ABCA3: variants seen among roughly 807,000 people sequenced by gnomAD.
ABCA3 encodes the protein phospholipid-transporting ATPase ABCA3.
ABCA3 carries 88 observed loss-of-function variants against 172.8 expected under a neutral mutation model. The observed-to-expected ratio is 0.51, with a 90% CI of 0.43 to 0.61. The LOEUF (loss-of-function observed/expected upper bound fraction) is 0.61, where lower values mean the gene tolerates loss of function less well. Ranked by LOEUF, ABCA3 falls within the 20% of genes least tolerant of loss-of-function variation. The pLI is 0.00. For missense variants in ABCA3, 2,164 were observed against 2,301.0 expected (o/e 0.94, Z 1.22); for synonymous variants, 1,066 against 983.8 (o/e 1.08, Z -1.56).
intron 11 of ABCA3, among the ~76,000 whole-genome samples, chr16:2,304,814 T>C (rs572514997): frequency 9.9e-5 from 15 of 152,074 alleles, no homozygotes; most frequent in African/African-American, 3.6e-4. Context: ...TAGCTGGGAC[T>C]ACAGGCGCCC....
intron 7 of ABCA3, among the ~76,000 whole-genome samples, chr16:2,320,984 G>GC (rs746216968): frequency 2.4e-5 from 2 of 82,006 alleles, no homozygotes; most frequent in Admixed American, 2.0e-4. Flanking sequence ...TCTGCTATGT[G>GC]CTTTTTTTTT....
At position 2,285,074 on chromosome 16, in the gene ABCA3, G is replaced by C; in HGVS notation, c.3484-76C>G. 3 of 1,473,416 alleles carry C rather than the reference G, an allele frequency of 2.0e-6. No individual in the cohort carries two copies. Among genetic ancestry groups the C allele is most frequent in the East Asian group, 2.4e-5 (1 of 41,272 alleles). The allele number at this position is 1,473,416 out of a possible 1,614,324, so 91.3% of individuals were successfully genotyped here. On this transcript the variant is annotated intron_variant, in intron 23 of 32. Coordinates refer to ENST00000301732, the MANE Select transcript of ABCA3 (RefSeq NM_001089.3). This position sits in a 1 kb window ranked among gnomAD's most constrained non-coding sequence, Gnocchi z 4.7. Reference sequence around the variant, plus strand: ...CACGGGTAGGGAAGGGGTGAGAGGAGCATTTGGAGGTCCTCAGACCCCTCC... The same window carrying C: ...CACGGGTAGGGAAGGGGTGAGAGGACCATTTGGAGGTCCTCAGACCCCTCC...
intron 20 of ABCA3, chr16:2,289,019 G>C (rs2093667609): frequency 3.3e-5 from 6 of 183,854 alleles, no homozygotes; most frequent in Non-Finnish European, 5.7e-5. Context: ...CCGAGACAGA[G>C]AGCGTCAGGG....
intron 1 of ABCA3, among the ~76,000 whole-genome samples, chr16:2,331,959 T>C (rs2093743924): frequency 1.3e-5 from 2 of 152,238 alleles, no homozygotes; most frequent in Admixed American, 1.3e-4. Context: ...TATAAAAGGT[T>C]TGCTTACTGT....
intron 11 of ABCA3, among the ~76,000 whole-genome samples, chr16:2,307,766 C>T (rs755197366): frequency 1.2e-4 from 18 of 152,024 alleles, no homozygotes; most frequent in African/African-American, 2.9e-4. Flanking sequence ...CCACCACGCC[C>T]GGCTAATTTT....
intron 5 of ABCA3, 108 bp downstream of exon 5, chr16:2,325,902 G>A: frequency 1.3e-6 from 2 of 1,501,672 alleles, no homozygotes; most frequent in South Asian, 2.3e-5. Flanking sequence ...GTCTGCACAG[G>A]GTGAACTCCT....
At position 2,299,574 on chromosome 16, in the gene ABCA3, C is replaced by G. The variant is rs765130573; in HGVS notation, c.1612-42G>C. On this transcript the variant is annotated intron_variant, in intron 13 of 32. Coordinates refer to ENST00000301732, the MANE Select transcript of ABCA3 (RefSeq NM_001089.3). ...GGCTGCCCTGGGCTACCCACAGCCCCGAGGCCCACGGCCAAGGCCTCTCCT... is the reference window on the plus strand; with the variant it reads ...GGCTGCCCTGGGCTACCCACAGCCCGGAGGCCCACGGCCAAGGCCTCTCCT... The G allele has an allele frequency of 5.0e-6, 8 of 1,609,070 alleles. No homozygotes were observed. The South Asian group carries it at 8.8e-5, about 18-fold the overall frequency.
chr16:2,335,667 G>C (rs2093750643), intron 1 of ABCA3, among the ~76,000 whole-genome samples: 1 of 152,192 alleles, frequency 6.6e-6, no homozygotes, highest in African/African-American at 2.4e-5. Context: ...GGCACCCTGT[G>C]ATGTGGGGAG....
chr16:2,327,670 A>G (rs2093736556), intron 3 of ABCA3, among the ~76,000 whole-genome samples: 1 of 152,182 alleles, frequency 6.6e-6, no homozygotes, highest in South Asian at 2.1e-4. Context: ...TTGTTATTAC[A>G]GGTACTGGCA....
At chr16:2,315,865 T>C (rs12923951) in intron 10 of ABCA3, among the ~76,000 whole-genome samples, 11 of 125,226 alleles carry the variant, frequency 8.8e-5, no homozygotes, top group African/African-American at 3.1e-4. Context: ...TTTTTTTTTG[T>C]AGAGACAGGG....
chr16:2,305,570 C>T (rs2093696392), intron 11 of ABCA3, among the ~76,000 whole-genome samples: 1 of 152,156 alleles, frequency 6.6e-6, no homozygotes, highest in African/African-American at 2.4e-5. Context: ...GCTGAGATTA[C>T]AGGCGTGAGC....
chr16:2,313,158 G>C (rs150740973), intron 10 of ABCA3, among the ~76,000 whole-genome samples: 1 of 152,252 alleles, frequency 6.6e-6, no homozygotes, highest in Non-Finnish European at 1.5e-5. Flanking sequence ...TTGGTGTCTT[G>C]ATTTATGCTT....
rs745849073 is a variant in ABCA3, at chr16:2,317,433, G to T, written c.991-30C>A. On this transcript the variant is annotated intron_variant, in intron 9 of 32. Coordinates refer to ENST00000301732, the MANE Select transcript of ABCA3 (RefSeq NM_001089.3). Reference sequence around the variant, plus strand: ...AGGGCACAGGCATGAGTCGGGCGTGGTGGGCCGGCAGAGGTGGACCAGGAG... The same window carrying T: ...AGGGCACAGGCATGAGTCGGGCGTGTTGGGCCGGCAGAGGTGGACCAGGAG... The T allele has an allele frequency of 3.1e-6, 5 of 1,612,292 alleles. No homozygotes were observed. The South Asian group carries it at 5.5e-5, about 18-fold the overall frequency.
chr16:2,286,728 T>C lies in ABCA3; in HGVS notation c.3244A>G (p.Ser1082Gly), dbSNP rs1442218323. The change falls in exon 22 of 33, where the codon AGC (serine) becomes GGC (glycine). Residue 1082 changes from serine to glycine, a missense_variant. Physicochemically the swap from Ser to Gly is moderately conservative, Grantham distance 56 (BLOSUM62 0). Coordinates refer to ENST00000301732, the MANE Select transcript of ABCA3 (RefSeq NM_001089.3). This position sits in a 1 kb window ranked among gnomAD's most constrained non-coding sequence, Gnocchi z 5.2. ...TGGTCCTTGGCAGCCTGCAGGGCGC[T>C]CCGGGGCTGGGGGAAGTTGGAGACC... ...IVVSNFPQPR[S>G]ALQAAKDQFN... 25 of 1,613,588 alleles carry C rather than the reference T, an allele frequency of 1.5e-5. No homozygotes were observed. Among genetic ancestry groups the C allele is most frequent in the Non-Finnish European group, 2.1e-5 (25 of 1,179,876 alleles).
chr16:2,292,041 C>G, intron 19 of ABCA3, 99 bp downstream of exon 19: 5 of 960,146 alleles, frequency 5.2e-6, no homozygotes. Context: ...CCACTGCACT[C>G]CAGCCTGGGC....
At chr16:2,301,770 A>G (rs1199794084) in intron 12 of ABCA3, among the ~76,000 whole-genome samples, 1 of 152,144 alleles carries the variant, frequency 6.6e-6, no homozygotes, top group East Asian at 1.9e-4. Flanking sequence ...TCAGTTAAGT[A>G]TATGTTGATG....
chr16:2,287,081 G>A lies in ABCA3; in HGVS notation c.3005-114C>T. 4.9e-6 allele frequency: 6 copies of A among 1,213,276 alleles called. No homozygotes were observed. Among genetic ancestry groups the A allele is most frequent in the Non-Finnish European group, 7.0e-6 (6 of 858,002 alleles). 75.2% of individuals were successfully genotyped at this position (1,213,276 alleles called of 1,614,324 possible). ...ATAGAGTGGTGCCAGCATCCTCTGA[G>A]CTGCCCGCCCCATCACCCTTCTCCT... On this transcript the variant is annotated intron_variant, in intron 21 of 32. Coordinates refer to ENST00000301732, the MANE Select transcript of ABCA3 (RefSeq NM_001089.3). The surrounding 1 kb of genome is among the most constrained non-coding windows in gnomAD (Gnocchi z 4.1).
chr16:2,284,549 G>A lies in ABCA3; in HGVS notation c.3704-112C>T, dbSNP rs2093659826. The A allele has an allele frequency of 1.7e-5, 25 of 1,498,446 alleles. No homozygotes were observed. Among genetic ancestry groups the A allele is most frequent in the Non-Finnish European group, 2.3e-5 (25 of 1,080,578 alleles). 92.8% of individuals were successfully genotyped at this position (1,498,446 alleles called of 1,614,324 possible). A position where few individuals can be genotyped will look rare whatever the true frequency, so the allele number is the denominator to read the frequency against. ...CTTATCCGTGCTGTGTGGAGTGAGG[G>A]GGCACCTCCCAGGGACGCCCCTGCC... On this transcript the variant is annotated intron_variant, in intron 24 of 32. Coordinates refer to ENST00000301732, the MANE Select transcript of ABCA3 (RefSeq NM_001089.3). The surrounding 1 kb of genome is among the most constrained non-coding windows in gnomAD (Gnocchi z 5.9).
intron 9 of ABCA3, 90 bp downstream of exon 9, chr16:2,317,558 C>T (rs1425838497): frequency 1.9e-6 from 3 of 1,585,886 alleles, no homozygotes; most frequent in Non-Finnish European, 2.6e-6. Context: ...TCTCTGAAGT[C>T]TCTGACCACA....
Sources: gnomAD v4.1 joint callset for allele counts (sites outside exome capture counted in the v4.1 genomes callset) on GRCh38, gnomAD v4.1.1 for gene constraint, Gnocchi (gnomAD v3.1) non-coding constraint, MANE v1.5 for transcripts, NCBI Gene and HGNC (gene_info 2026-07-23, HGNC 2026-07-21) for gene names.